The following B3GNT2 variants were observed in gnomAD, a reference collection of about 807,000 sequenced individuals.
The protein encoded by B3GNT2 is UDP-GlcNAc:betaGal beta-1,3-N-acetylglucosaminyltransferase 2, also known as N-acetyllactosaminide beta-1,3-N-acetylglucosaminyltransferase 2.
A neutral mutation model predicts 27.6 loss-of-function variants in B3GNT2; 12 were observed. The observed-to-expected ratio is 0.44, with a 90% CI of 0.28 to 0.71. B3GNT2 has a LOEUF of 0.71. Ranked by LOEUF, B3GNT2 falls within the 30% of genes least tolerant of loss-of-function variation. The pLI, the probability that B3GNT2 is intolerant of heterozygous loss-of-function variation, is 0.17. For missense variants in B3GNT2, 413 were observed against 488.5 expected (o/e 0.85, Z 1.46); for synonymous variants, 192 against 189.7 (o/e 1.01, Z -0.10).
In B3GNT2 at chr2:62,222,472, G is replaced by A. The variant is rs781363819; in HGVS notation, c.252G>A (p.Ala84=). The A allele has an allele frequency of 6.8e-6, 11 of 1,614,090 alleles. No homozygotes were observed. The highest frequency in any genetic ancestry group is 1.6e-4 in the Middle Eastern group (1 of 6,062). ...LSMLTNQTGE[A]GRLSNISHLN... ...TGCTGACCAACCAGACGGGGGAGGC[G>A]GGCAGGCTCTCCAATATAAGCCATC... is the stretch of plus-strand genomic sequence containing the variant. Residue 84 remains alanine (A), a synonymous_variant, in exon 2 of 2, where the codon GCG becomes GCA. Coordinates refer to ENST00000301998, the MANE Select transcript of B3GNT2 (RefSeq NM_006577.6). The surrounding 1 kb of genome is among the most constrained non-coding windows in gnomAD (Gnocchi z 4.2).
intron 1 of B3GNT2, among the ~76,000 whole-genome samples, chr2:62,207,895 A>G (rs1486506532): frequency 6.6e-6 from 1 of 151,964 alleles, no homozygotes; most frequent in Admixed American, 6.6e-5. Flanking sequence ...TAATGGATTG[A>G]ATTTGATTGC....
chr2:62,206,203 G>C (rs562763345), intron 1 of B3GNT2, among the ~76,000 whole-genome samples: 1 of 152,266 alleles, frequency 6.6e-6, no homozygotes, highest in East Asian at 1.9e-4. Context: ...CAGCTTGGAC[G>C]TGCTCAGCGA....
At chr2:62,201,117 A>G (rs1674256779) in intron 1 of B3GNT2, among the ~76,000 whole-genome samples, 1 of 152,234 alleles carries the variant, frequency 6.6e-6, no homozygotes. Context: ...AACTAAAGCA[A>G]CTAGATCTTT....
chr2:62,201,909 C>A (rs184860122), intron 1 of B3GNT2, among the ~76,000 whole-genome samples: 2 of 152,176 alleles, frequency 1.3e-5, no homozygotes, highest in African/African-American at 2.4e-5. Context: ...CAAGAGTCTT[C>A]GTAGGCCTAA....
intron 1 of B3GNT2, among the ~76,000 whole-genome samples, chr2:62,213,924 GGTAA>G (rs747516129): frequency 2.0e-5 from 3 of 152,090 alleles, no homozygotes; most frequent in Non-Finnish European, 4.4e-5. Context: ...GCAAATGCTG[GGTAA>G]GTCTCAGGTA....
Position 62,222,793 on chromosome 2 carries a change from C to G in B3GNT2, c.573C>G (p.His191Gln). 4.3e-6 allele frequency: 7 copies of G among 1,614,202 alleles called. No homozygotes were observed. The highest frequency in any genetic ancestry group is 5.9e-6 in the Non-Finnish European group (7 of 1,180,042). ...LLGQTPPEDN[H>Q]PDLSDMLKFE... Reference sequence around the variant, plus strand: ...GCCAGACACCCCCAGAGGACAACCACCCCGACCTTTCAGATATGCTGAAAT... The same window carrying G: ...GCCAGACACCCCCAGAGGACAACCAGCCCGACCTTTCAGATATGCTGAAAT... Residue 191 changes from histidine (H) to glutamine (Q), a missense_variant, in exon 2 of 2, where the codon CAC becomes CAG. His to Gln is a conservative substitution (Grantham distance 24). Transcript: ENST00000301998. The surrounding 1 kb of genome is among the most constrained non-coding windows in gnomAD (Gnocchi z 4.2).
intron 1 of B3GNT2, among the ~76,000 whole-genome samples, chr2:62,212,202 A>G (rs1674492833): frequency 6.6e-6 from 1 of 152,090 alleles, no homozygotes; most frequent in African/African-American, 2.4e-5. Context: ...CTGATTTCAT[A>G]TGTGTGCATG....
In B3GNT2 at chr2:62,223,655, C is replaced by T. The variant is rs1212295804; in HGVS notation, c.*241C>T. On this transcript the variant is annotated 3_prime_UTR_variant, in exon 2 of 2. Coordinates refer to ENST00000301998, the MANE Select transcript of B3GNT2 (RefSeq NM_006577.6). ...GGTTCTGATCTTACCGGCTAGTGGT[C>T]ATTTTTAAAAAACTTGTACCCTCTT... The T allele has an allele frequency of 5.2e-6, 2 of 381,164 alleles. No homozygotes were observed. The highest frequency in any genetic ancestry group is 4.9e-6 in the Non-Finnish European group (1 of 203,988). 23.6% of individuals were successfully genotyped at this position (381,164 alleles called of 1,614,324 possible). A position where few individuals can be genotyped will look rare whatever the true frequency, so the allele number is the denominator to read the frequency against.
chr2:62,197,031 T>TA (rs1170403540), intron 1 of B3GNT2, among the ~76,000 whole-genome samples: 2 of 144,736 alleles, frequency 1.4e-5, no homozygotes, highest in East Asian at 2.3e-4. Context: ...TTTGACCTTT[T>TA]AAAAAAAATA....
intron 1 of B3GNT2, among the ~76,000 whole-genome samples, chr2:62,217,535 A>T (rs944613769): frequency 1.3e-5 from 2 of 152,186 alleles, no homozygotes; most frequent in African/African-American, 4.8e-5. Flanking sequence ...GGCACAAGGG[A>T]AGGTGTGCAG....
chr2:62,204,903 T>G (rs750696342), intron 1 of B3GNT2, among the ~76,000 whole-genome samples: 1 of 152,168 alleles, frequency 6.6e-6, no homozygotes, highest in Non-Finnish European at 1.5e-5. Context: ...AGGGTGATGA[T>G]TCTTTATTTT....
At chr2:62,215,635 A>G (rs758270753) in intron 1 of B3GNT2, 6 of 151,950 alleles carry the variant, frequency 3.9e-5, no homozygotes, top group Non-Finnish European at 7.3e-5. Flanking sequence ...TAGGTAAACC[A>G]CTCTTGCCAG....
At chr2:62,213,964 G>A (rs1036327855) in intron 1 of B3GNT2, among the ~76,000 whole-genome samples, 8 of 152,186 alleles carry the variant, frequency 5.3e-5, no homozygotes, top group Non-Finnish European at 8.8e-5. Context: ...TAATGGTGGT[G>A]CAGTGTGAAG....
chr2:62,215,364 C>G (rs1263295975), intron 1 of B3GNT2, among the ~76,000 whole-genome samples: 1 of 152,128 alleles, frequency 6.6e-6, no homozygotes, highest in Non-Finnish European at 1.5e-5. Context: ...CCTGAGGCTC[C>G]CTTGCCCCGG....
Position 62,216,460 on chromosome 2 carries a change from C to T in B3GNT2, c.-9-5752C>T, listed in dbSNP as rs115276631. Among the ~76,000 whole-genome samples, 587 of 151,326 alleles carry T rather than the reference C, an allele frequency of 3.9e-3. 8 individuals are homozygous for T. Among genetic ancestry groups the T allele is most frequent in the African/African-American group, 0.013 (544 of 40,972 alleles). On this transcript the variant is annotated intron_variant, in intron 1 of 1. Transcript: ENST00000301998. ...TCACTCTGTCACTCAGCCTGGAGTACGGTGGTACAATCTCAGCTCACTGCT... is the reference window on the plus strand; with the variant it reads ...TCACTCTGTCACTCAGCCTGGAGTATGGTGGTACAATCTCAGCTCACTGCT...
Position 62,224,606 on chromosome 2 carries a change from T to A in B3GNT2, c.*1192T>A, listed in dbSNP as rs1425059584. The A allele has an allele frequency of 6.0e-6, 1 of 167,114 alleles. No homozygotes were observed. The highest frequency in any genetic ancestry group is 1.5e-5 in the Non-Finnish European group (1 of 68,124). The allele number at this position is 167,114 out of a possible 1,614,324, so 10.4% of individuals were successfully genotyped here. On this transcript the variant is annotated 3_prime_UTR_variant, in exon 2 of 2. Coordinates refer to ENST00000301998, the MANE Select transcript of B3GNT2 (RefSeq NM_006577.6). ...ACTAGAGTTTAAAATTCTGCCAAAC[T>A]ATTACTTATATGTACTATTGTGTAA... is the stretch of plus-strand genomic sequence containing the variant.
At chr2:62,212,231 T>G (rs1015098552) in intron 1 of B3GNT2, among the ~76,000 whole-genome samples, 2 of 152,188 alleles carry the variant, frequency 1.3e-5, no homozygotes, top group African/African-American at 4.8e-5. Flanking sequence ...TTTCCTGCAC[T>G]CCTATATTCC....
intron 1 of B3GNT2, among the ~76,000 whole-genome samples, chr2:62,207,970 A>G (rs1397393999): frequency 6.6e-6 from 1 of 152,228 alleles, no homozygotes; most frequent in Non-Finnish European, 1.5e-5. Context: ...GTGTGTGGCC[A>G]GTTATCACAC....
In B3GNT2 at chr2:62,223,315, C is replaced by T. The variant is rs377044215; in HGVS notation, c.1095C>T (p.Asn365=). ...TFDIEEKNKN[N]ICSYVDLMLV... ...ATATCGAGGAGAAAAACAAAAATAA[C>T]ATCTGCTCCTATGTAGATCTGATGT... Residue 365 remains asparagine, a synonymous_variant, in exon 2 of 2, where the codon AAC becomes AAT. Coordinates refer to ENST00000301998, the MANE Select transcript of B3GNT2 (RefSeq NM_006577.6). 1 of 1,614,160 alleles carries T rather than the reference C, an allele frequency of 6.2e-7. No individual in the cohort carries two copies. Among genetic ancestry groups the T allele is most frequent in the Non-Finnish European group, 8.5e-7 (1 of 1,180,012 alleles).
Sources: gnomAD v4.1 joint callset for allele counts (sites outside exome capture counted in the v4.1 genomes callset) on GRCh38, gnomAD v4.1.1 for gene constraint, Gnocchi (gnomAD v3.1) non-coding constraint, MANE v1.5 for transcripts, NCBI Gene and HGNC (gene_info 2026-07-23, HGNC 2026-07-21) for gene names.